APELA: variants seen among roughly 807,000 people sequenced by gnomAD.
APELA encodes apelin receptor early endogenous ligand, also known as protein Elabela.
At chr4:164,884,628 A>G (rs1249301606) in intron 2 of APELA, among the ~76,000 whole-genome samples, 3 of 152,126 alleles carry the variant, frequency 2.0e-5, no homozygotes, top group Non-Finnish European at 4.4e-5. Flanking sequence ...CTGGCCACAC[A>G]GCTCACTCTC....
chr4:164,880,360 T>C (rs192703740), intron 2 of APELA, among the ~76,000 whole-genome samples: 136 of 152,348 alleles, frequency 8.9e-4, no homozygotes, highest in Non-Finnish European at 1.4e-3. Context: ...TCTATGTCTA[T>C]ATCTGTAACA....
intron 2 of APELA, among the ~76,000 whole-genome samples, chr4:164,880,391 A>C (rs1401901438): frequency 6.6e-6 from 1 of 152,240 alleles, no homozygotes; most frequent in African/African-American, 2.4e-5. Flanking sequence ...TGTTATCAAA[A>C]TATGAAAAAT....
At chr4:164,889,293 AT>A (rs1730836768) in intron 2 of APELA, among the ~76,000 whole-genome samples, 1 of 152,030 alleles carries the variant, frequency 6.6e-6, no homozygotes, top group Non-Finnish European at 1.5e-5. Flanking sequence ...TAGTCTTCAC[AT>A]TTTTTTCTAA....
chr4:164,881,626 G>C (rs1236031848), intron 2 of APELA, among the ~76,000 whole-genome samples: 1 of 151,942 alleles, frequency 6.6e-6, no homozygotes, highest in Non-Finnish European at 1.5e-5. Flanking sequence ...GGAAATGCAA[G>C]TCTACAGGTT....
At chr4:164,882,050 C>T (rs1460109956) in intron 2 of APELA, among the ~76,000 whole-genome samples, 2 of 152,010 alleles carry the variant, frequency 1.3e-5, no homozygotes, top group African/African-American at 4.8e-5. Flanking sequence ...TTAATATGTA[C>T]TCTAGATAAC....
chr4:164,879,119 G>A, intron 2 of APELA, 110 bp downstream of exon 2: 1 of 396,706 alleles, frequency 2.5e-6, no homozygotes, highest in Non-Finnish European at 4.4e-6. Context: ...TTATGGCAAT[G>A]TCAAGACTTA....
chr4:164,884,585 T>C (rs1730732499), intron 2 of APELA, among the ~76,000 whole-genome samples: 1 of 152,212 alleles, frequency 6.6e-6, no homozygotes, highest in Admixed American at 6.5e-5. Context: ...AGATAAGAGT[T>C]AAGACTGTGT....
At chr4:164,879,763 T>A (rs1730624556) in intron 2 of APELA, among the ~76,000 whole-genome samples, 1 of 152,172 alleles carries the variant, frequency 6.6e-6, no homozygotes, top group African/African-American at 2.4e-5. Context: ...CAACTATTAT[T>A]TGCCCTCAGG....
intron 2 of APELA, among the ~76,000 whole-genome samples, chr4:164,894,593 CAG>C (rs1380918683): frequency 6.6e-6 from 1 of 151,910 alleles, no homozygotes; most frequent in Admixed American, 6.6e-5. Context: ...TTGGTAGAGA[CAG>C]GGTTTCACCA....
At chr4:164,883,282 T>C (rs1224943159) in intron 2 of APELA, among the ~76,000 whole-genome samples, 1 of 152,190 alleles carries the variant, frequency 6.6e-6, no homozygotes, top group Admixed American at 6.5e-5. Context: ...CTGCACTTCA[T>C]ATTCCTATTC....
intron 2 of APELA, among the ~76,000 whole-genome samples, chr4:164,893,829 T>C (rs757751740): frequency 5.5e-4 from 83 of 152,284 alleles, no homozygotes; most frequent in Non-Finnish European, 1.0e-3. Context: ...AATTTTATTA[T>C]TTATATGGTT....
intron 2 of APELA, among the ~76,000 whole-genome samples, chr4:164,887,113 C>A (rs1401542947): frequency 6.6e-6 from 1 of 152,192 alleles, no homozygotes; most frequent in Non-Finnish European, 1.5e-5. Context: ...CAGGCATGAG[C>A]CACTGCGCCC....
chr4:164,898,483 C>T (rs990205807), downstream of APELA, among the ~76,000 whole-genome samples: 1 of 114,864 alleles, frequency 8.7e-6, no homozygotes, highest in African/African-American at 3.2e-5. Context: ...GCCTGGGCAA[C>T]AAGAGCAAAA....
chr4:164,894,443 G>A (rs1294906084), intron 2 of APELA, among the ~76,000 whole-genome samples: 1 of 150,648 alleles, frequency 6.6e-6, no homozygotes, highest in African/African-American at 2.5e-5. Context: ...TTTTGAGAGA[G>A]TCTTGCTCTG....
downstream of APELA, among the ~76,000 whole-genome samples, chr4:164,898,387 A>G (rs901265778): frequency 2.6e-5 from 4 of 151,026 alleles, no homozygotes; most frequent in African/African-American, 9.7e-5. Context: ...CTGTAATCCC[A>G]GCTACTCGGG....
rs536385739 is a variant in APELA at position 164,897,170 on chromosome 4, G to T, written c.*1756G>T. The stretch of plus-strand genomic sequence containing the variant: ...CATTTTGCTAAAATGAAAGGTTGGG[G>T]TTAATATAAATGTAATTTTAAATAG... On this transcript the variant is annotated 3_prime_UTR_variant, in exon 3 of 3. Coordinates refer to ENST00000507152, the MANE Select transcript of APELA (RefSeq NM_001297550.2). 97 of 152,300 alleles carry T rather than the reference G, an allele frequency of 6.4e-4. 1 individual carries two copies. Among genetic ancestry groups the T allele is most frequent in the African/African-American group, 2.1e-3 (86 of 41,554 alleles). The allele number at this position is 152,300 out of a possible 1,614,324, so 9.4% of individuals were successfully genotyped here.
chr4:164,891,680 T>C (rs1730884715), intron 2 of APELA, among the ~76,000 whole-genome samples: 1 of 152,184 alleles, frequency 6.6e-6, no homozygotes, highest in African/African-American at 2.4e-5. Context: ...TCTCATAGGT[T>C]TTTCAGAAGG....
intron 1 of APELA, among the ~76,000 whole-genome samples, chr4:164,878,196 A>AAAGAAAGAAAGAAAGAAAG (rs1553970695): frequency 1.5e-4 from 22 of 143,476 alleles, no homozygotes; most frequent in African/African-American, 5.8e-4. Context: ...AGAAACAGAA[A>AAAGAAAGAAAGAAAGAAAG]AAAGAAAGAA....
Position 164,878,840 on chromosome 4 carries a change from A to C in APELA, c.77-80A>C, listed in dbSNP as rs1579105745. The C allele has an allele frequency of 5.5e-5, 22 of 398,252 alleles. No homozygotes were observed. The East Asian group carries it at 7.5e-4, about 14-fold the overall frequency. The allele number at this position is 398,252 out of a possible 1,614,324, so 24.7% of individuals were successfully genotyped here. On this transcript the variant is annotated intron_variant, in intron 1 of 2. Coordinates refer to ENST00000507152, the MANE Select transcript of APELA (RefSeq NM_001297550.2). The stretch of plus-strand genomic sequence containing the variant: ...ATAACCACAATCTAGTTTGGCTCCA[A>C]AATATGTTTGCATTGTCTAGATTAA...
Sources: gnomAD v4.1 joint callset for allele counts (sites outside exome capture counted in the v4.1 genomes callset) on GRCh38, gnomAD v4.1.1 for gene constraint, MANE v1.5 for transcripts, NCBI Gene and HGNC (gene_info 2026-07-23, HGNC 2026-07-21) for gene names.